SRCAP: variants seen among roughly 807,000 people sequenced by gnomAD.
SRCAP encodes the protein Snf2 related CREBBP activator protein, also known as chromatin remodeling protein SRCAP.
Under a neutral mutation model 263.1 loss-of-function variants are expected in SRCAP, and 46 were observed. The observed-to-expected ratio is 0.17, with a 90% CI of 0.14 to 0.22. SRCAP has a LOEUF of 0.22. Ranked by LOEUF, SRCAP falls within the 10% of genes least tolerant of loss-of-function variation. The probability of loss-of-function intolerance (pLI) is 1.00; values close to 1 mark genes in which losing one functional copy is unlikely to be tolerated. For missense variants in SRCAP, 3,695 were observed against 4,181.9 expected (o/e 0.88, Z 3.21); for synonymous variants, 1,813 against 1,662.1 (o/e 1.09, Z -2.21).
At position 30,739,359 on chromosome 16, in the gene SRCAP, A is replaced by G; in HGVS notation, c.9319A>G (p.Thr3107Ala). 1 of 1,614,116 alleles carries G rather than the reference A, an allele frequency of 6.2e-7. No individual in the cohort carries two copies. Among genetic ancestry groups the G allele is most frequent in the Non-Finnish European group, 8.5e-7 (1 of 1,179,980 alleles). ...TAGCGGGCCAGGCGGGTTGGAATTG[A>G]CACCACCTGTGGTCTCACTAACCCC... ...ADSGPGGLEL[T>A]PPVVSLTPKL... The change falls in exon 34 of 34, where the codon ACA (threonine) becomes GCA (alanine). Residue 3107 changes from threonine (T) to alanine (A), a missense_variant. Thr to Ala is a moderately conservative substitution (Grantham distance 58). This residue lies in a region of SRCAP where 1,207 missense variants were observed against 1,142.9 expected (regional missense o/e 1.06). Transcript: ENST00000262518.
rs539898059 is a variant in SRCAP, at chr16:30,709,451, G to A, written c.634-62G>A. On this transcript the variant is annotated intron_variant, in intron 6 of 33. Coordinates refer to ENST00000262518, the MANE Select transcript of SRCAP (RefSeq NM_006662.3). Reference sequence around the variant, plus strand: ...GTTAAAGAAGGTCTCCCTAAACATCGGGTAAAAGTACATAAATAAAATGGT... The same window carrying A: ...GTTAAAGAAGGTCTCCCTAAACATCAGGTAAAAGTACATAAATAAAATGGT... 7 of 1,576,778 alleles carry A rather than the reference G, an allele frequency of 4.4e-6. No homozygotes were observed. The Middle Eastern group carries it at 5.1e-4, about 115-fold the overall frequency.
Position 30,724,802 on chromosome 16 carries a change from C to A in SRCAP, c.5378C>A (p.Ala1793Asp). 1.2e-6 allele frequency: 2 copies of A among 1,613,670 alleles called. No homozygotes were observed. Among genetic ancestry groups the A allele is most frequent in the Non-Finnish European group, 1.7e-6 (2 of 1,179,740 alleles). The part of the protein sequence containing the change: ...ASVQTLTLSP[A>D]PVPTLGPAAA... ...GTGCAGACACTGACCTTGAGCCCTGCCCCAGTTCCTACCCTGGGCCCGGCC... is the reference window on the plus strand; with the variant it reads ...GTGCAGACACTGACCTTGAGCCCTGACCCAGTTCCTACCCTGGGCCCGGCC... The change falls in exon 25 of 34, where the codon GCC (alanine) becomes GAC (aspartate). Residue 1793 changes from alanine to aspartate, a missense_variant. Physicochemically the swap from Ala to Asp is moderately radical, Grantham distance 126. Coordinates refer to ENST00000262518, the MANE Select transcript of SRCAP (RefSeq NM_006662.3).
At position 30,732,311 on chromosome 16, in the gene SRCAP, C is replaced by T. The variant is rs193277997; in HGVS notation, c.6128-969C>T. 5.3e-4 allele frequency among the ~76,000 whole-genome samples: 81 copies of T among 152,030 alleles called. 2 individuals are homozygous for T. The highest frequency in any genetic ancestry group is 1.7e-3 in the African/African-American group (71 of 41,454). On this transcript the variant is annotated intron_variant, in intron 27 of 33. Transcript: ENST00000262518. ...TACTAAAAATACAAAATTATCCGGACGTGGTGGCACATGCCTGTAATCCCA... is the reference window on the plus strand; with the variant it reads ...TACTAAAAATACAAAATTATCCGGATGTGGTGGCACATGCCTGTAATCCCA...
rs770435532 is a variant in SRCAP, at chr16:30,724,209, A to G, written c.4785A>G (p.Thr1595=). 8 of 1,613,854 alleles carry G rather than the reference A, an allele frequency of 5.0e-6. No individual in the cohort carries two copies. ...TPLAPMAAPQ[T]AILAPSPAPP... Reference sequence around the variant, plus strand: ...TGGCTCCTATGGCGGCTCCACAGACAGCAATTCTGGCTCCTTCTCCAGCTC... The same window carrying G: ...TGGCTCCTATGGCGGCTCCACAGACGGCAATTCTGGCTCCTTCTCCAGCTC... The change falls in exon 25 of 34, where the codon ACA becomes ACG. Residue 1595 remains threonine (T), a synonymous_variant. Transcript: ENST00000262518.
Position 30,739,638 on chromosome 16 carries a change from A to C in SRCAP, c.9598A>C (p.Thr3200Pro). 6.3e-7 allele frequency: 1 copy of C among 1,591,058 alleles called. No individual in the cohort carries two copies. The highest frequency in any genetic ancestry group is 1.1e-5 in the South Asian group (1 of 88,684). The change falls in exon 34 of 34, where the codon ACC becomes CCC. Residue 3200 changes from threonine (T) to proline (P), a missense_variant. Around this residue, in one of 12 missense-constraint regions of SRCAP, gnomAD observed 1,207 missense variants for 1,142.9 expected, o/e 1.06. Coordinates refer to ENST00000262518, the MANE Select transcript of SRCAP (RefSeq NM_006662.3). ...RPGPRRLVGT[T>P]NQGDQRILRS... ...TGGCCCCCGCCGGCTTGTTGGGACC[A>C]CCAACCAAGGGGACCAGCGCATCCT...
chr16:30,721,515 G>C, intron 21 of SRCAP, 39 bp downstream of exon 21: 1 of 1,593,478 alleles, frequency 6.3e-7, no homozygotes, highest in Non-Finnish European at 8.5e-7. Context: ...ACTTGAGATG[G>C]GAGGAAAGCT....
At chr16:30,709,265 T>C (rs1404014351) in intron 6 of SRCAP, among the ~76,000 whole-genome samples, 2 of 151,338 alleles carry the variant, frequency 1.3e-5, no homozygotes, top group African/African-American at 2.4e-5. Flanking sequence ...TCTCATCTCT[T>C]TAAAAAAAAA....
At position 30,737,275 on chromosome 16, in the gene SRCAP, C is replaced by G. The variant is rs1187710584; in HGVS notation, c.7235C>G (p.Thr2412Ser). ...GCTGAGACTCAAGGGGCAAACCACA[C>G]TCCTGTCATATCCGCCCATCAAACT... ...ARAETQGANH[T>S]PVISAHQTRS... The change falls in exon 34 of 34, where the codon ACT becomes AGT. Residue 2412 changes from threonine (T) to serine (S), a missense_variant. By Grantham distance (58) the Thr-to-Ser change is moderately conservative (BLOSUM62 1). This residue lies in a region of SRCAP where 1,207 missense variants were observed against 1,142.9 expected (regional missense o/e 1.06). Coordinates refer to ENST00000262518, the MANE Select transcript of SRCAP (RefSeq NM_006662.3). 6.2e-7 allele frequency: 1 copy of G among 1,613,980 alleles called. No homozygotes were observed. The highest frequency in any genetic ancestry group is 8.5e-7 in the Non-Finnish European group (1 of 1,180,020).
chr16:30,730,539 C>G (rs1437280038), intron 27 of SRCAP, among the ~76,000 whole-genome samples: 1 of 152,100 alleles, frequency 6.6e-6, no homozygotes, highest in Non-Finnish European at 1.5e-5. Flanking sequence ...TCAAGCGATT[C>G]TCCTGCTTCA....
chr16:30,733,579 T>C lies in SRCAP; in HGVS notation c.6298-23T>C. The C allele has an allele frequency of 6.2e-7, 1 of 1,605,924 alleles. No homozygotes were observed. Among genetic ancestry groups the C allele is most frequent in the Non-Finnish European group, 8.5e-7 (1 of 1,174,264 alleles). On this transcript the variant is annotated intron_variant, in intron 28 of 33. Coordinates refer to ENST00000262518, the MANE Select transcript of SRCAP (RefSeq NM_006662.3). This position sits in a 1 kb window ranked among gnomAD's most constrained non-coding sequence, Gnocchi z 5.3. ...TTGGGGGATAAGTCTCCCAGTATCA[T>C]CTTTTTTTCCCTTTCCTTCTAGGCC...
chr16:30,718,511 T>A (rs978458993), intron 18 of SRCAP, among the ~76,000 whole-genome samples: 1 of 145,842 alleles, frequency 6.9e-6, no homozygotes, highest in Non-Finnish European at 1.5e-5. Context: ...TCTTACTCTG[T>A]CGCTCAGGCT....
chr16:30,730,531 A>C (rs1288322500), intron 27 of SRCAP, among the ~76,000 whole-genome samples: 3 of 151,896 alleles, frequency 2.0e-5, no homozygotes, highest in Non-Finnish European at 4.4e-5. Flanking sequence ...TCCTGGGTTC[A>C]AGCGATTCTC....
chr16:30,715,522 G>A (rs1378858178), intron 16 of SRCAP, among the ~76,000 whole-genome samples: 2 of 150,382 alleles, frequency 1.3e-5, no homozygotes, highest in Admixed American at 6.6e-5. Flanking sequence ...CCAGGATTGC[G>A]CCACTGCACT....
intron 27 of SRCAP, among the ~76,000 whole-genome samples, chr16:30,732,442 ACT>A (rs112604511): frequency 1.3e-4 from 19 of 151,786 alleles, no homozygotes; most frequent in African/African-American, 4.1e-4. Flanking sequence ...CAAGAGCAAA[ACT>A]CTGTCTCAAA....
rs757121045 is a variant in SRCAP at position 30,736,535 on chromosome 16, T to C, written c.6925-6T>C. 1.2e-6 allele frequency: 2 copies of C among 1,614,120 alleles called. No individual in the cohort carries two copies. Among genetic ancestry groups the C allele is most frequent in the South Asian group, 2.2e-5 (2 of 91,078 alleles). On this transcript the variant is annotated splice_polypyrimidine_tract_variant and splice_region_variant and intron_variant, in intron 32 of 33. Transcript: ENST00000262518. ...CTAAGTTTATCACCACCGCTCCTCC[T>C]TGCAGCTGACCCCCATTGAGCGCTA...
Position 30,704,085 on chromosome 16 carries a change from G to A in SRCAP, c.76G>A (p.Gly26Ser). ...QTQMVSDGMT[G>S]SNPVSPASSS... ...CTAGATGGTGTCGGACGGCATGACA[G>A]GCAGCAATCCTGTGTCCCCTGCCTC... Residue 26 changes from glycine to serine, a missense_variant, in exon 4 of 34, where the codon GGC becomes AGC. Physicochemically the swap from Gly to Ser is moderately conservative, Grantham distance 56 (BLOSUM62 0). Around this residue, in one of 12 missense-constraint regions of SRCAP, gnomAD observed 122 missense variants for 116.9 expected, o/e 1.04. Coordinates refer to ENST00000262518, the MANE Select transcript of SRCAP (RefSeq NM_006662.3). The A allele has an allele frequency of 6.2e-6, 10 of 1,613,526 alleles. No homozygotes were observed. Among genetic ancestry groups the A allele is most frequent in the Non-Finnish European group, 8.5e-6 (10 of 1,179,652 alleles).
chr16:30,710,427 G>A (rs551848197), intron 8 of SRCAP: 2 of 671,146 alleles, frequency 3.0e-6, no homozygotes, highest in East Asian at 2.6e-5. Context: ...ATGCCCTAAT[G>A]TTCCCTTATT....
chr16:30,709,775 C>A (rs769620116), intron 7 of SRCAP, 40 bp downstream of exon 7: 3 of 1,613,808 alleles, frequency 1.9e-6, no homozygotes, highest in Non-Finnish European at 1.7e-6. Flanking sequence ...TCCTCATGTA[C>A]CCTTTCCAGA....
At chr16:30,725,370 A>C in intron 25 of SRCAP, 1 of 392,256 alleles carries the variant, frequency 2.5e-6, no homozygotes, top group Non-Finnish European at 4.6e-6. Flanking sequence ...AGTAAAAGGA[A>C]CTCTTCTCTG....
Sources: gnomAD v4.1 joint callset for allele counts (sites outside exome capture counted in the v4.1 genomes callset) on GRCh38, gnomAD v4.1.1 for gene constraint, gnomAD v4.1.1 regional missense constraint, Gnocchi (gnomAD v3.1) non-coding constraint, MANE v1.5 for transcripts, NCBI Gene and HGNC (gene_info 2026-07-23, HGNC 2026-07-21) for gene names.